The following PTPRT variants were observed in gnomAD, a reference collection of about 807,000 sequenced individuals.
PTPRT encodes the protein receptor-type tyrosine-protein phosphatase T.
In PTPRT, 56 loss-of-function variants were observed where a neutral mutation model predicts 176.8. The ratio of observed to expected loss-of-function variants is 0.32; its 90% confidence interval spans 0.26 to 0.40. PTPRT has a LOEUF of 0.40. Among genes scored for constraint, PTPRT ranks in the 10% least tolerant of loss-of-function variants. PTPRT has a pLI of 1.00. For synonymous variants in PTPRT, 783 were observed against 739.0 expected (o/e 1.06, Z -0.96); for missense variants, 1,540 against 1,908.2 (o/e 0.81, Z 3.60).
At chr20:42,387,763 A>C (rs2058758249) in intron 9 of PTPRT, among the ~76,000 whole-genome samples, 1 of 151,830 alleles carries the variant, frequency 6.6e-6, no homozygotes, top group African/African-American at 2.4e-5. Flanking sequence ...AAGGACCTCT[A>C]AAAGTTAGAG....
In PTPRT at chr20:42,246,156, A is replaced by G. The variant is rs576492462; in HGVS notation, c.2312+2531T>C. Among the ~76,000 whole-genome samples, 4 of 152,254 alleles carry G rather than the reference A, an allele frequency of 2.6e-5. No homozygotes were observed. The South Asian group carries it at 8.3e-4, about 32-fold the overall frequency. ...ATCAGTGTAGTATATATTGATATAT[A>G]TATGCAGCTGGGGGGTAGCTGGGGA... On this transcript the variant is annotated intron_variant, in intron 14 of 30. Coordinates refer to ENST00000373187, the MANE Select transcript of PTPRT (RefSeq NM_007050.6).
At position 42,260,689 on chromosome 20, in the gene PTPRT, C is replaced by T. The variant is rs544454260; in HGVS notation, c.2177-11867G>A. Reference sequence around the variant, plus strand: ...AGCCAATCAGGGACAGTCTGCAGGTCATGTAATTCCGGGACACTGAGAACA... The same window carrying T: ...AGCCAATCAGGGACAGTCTGCAGGTTATGTAATTCCGGGACACTGAGAACA... On this transcript the variant is annotated intron_variant, in intron 13 of 30. Coordinates refer to ENST00000373187, the MANE Select transcript of PTPRT (RefSeq NM_007050.6). 2.0e-5 allele frequency among the ~76,000 whole-genome samples: 3 copies of T among 152,230 alleles called. No homozygotes were observed. In the East Asian group the frequency reaches 5.8e-4, roughly 30 times the overall value.
intron 7 of PTPRT, among the ~76,000 whole-genome samples, chr20:42,502,271 A>G (rs1348685945): frequency 6.6e-6 from 1 of 152,014 alleles, no homozygotes; most frequent in African/African-American, 2.4e-5. Flanking sequence ...ACTTCTGTCT[A>G]TGAAACATCT....
intron 1 of PTPRT, among the ~76,000 whole-genome samples, chr20:43,121,688 A>G (rs1006972335): frequency 8.5e-5 from 13 of 152,358 alleles, no homozygotes; most frequent in African/African-American, 2.9e-4. Flanking sequence ...TGATTTATTC[A>G]TGCCAAGACA....
intron 17 of PTPRT, 63 bp from the exon 18 acceptor site, chr20:42,142,065 G>A (rs1988655365): frequency 7.1e-7 from 1 of 1,414,196 alleles, no homozygotes; most frequent in Non-Finnish European, 1.0e-6. Context: ...AAGTGGAGAT[G>A]AACCAACAGG....
chr20:42,086,606 T>A (rs1413117259), intron 27 of PTPRT, among the ~76,000 whole-genome samples: 1 of 150,594 alleles, frequency 6.6e-6, no homozygotes, highest in Non-Finnish European at 1.5e-5. Flanking sequence ...TTCATAGTGT[T>A]CATTCATGAT....
chr20:43,044,158 G>A (rs1312859721), intron 1 of PTPRT, among the ~76,000 whole-genome samples: 1 of 152,156 alleles, frequency 6.6e-6, no homozygotes, highest in Non-Finnish European at 1.5e-5. Flanking sequence ...TGGAGCACCT[G>A]CCAGCCTTGG....
intron 14 of PTPRT, among the ~76,000 whole-genome samples, chr20:42,239,679 C>T (rs928802347): frequency 7.9e-5 from 12 of 152,044 alleles, no homozygotes; most frequent in Non-Finnish European, 1.8e-4. Flanking sequence ...GCCTCAGCCT[C>T]CCAAAGTGCT....
intron 7 of PTPRT, among the ~76,000 whole-genome samples, chr20:42,650,141 T>TGAGCCAAG (rs2075003368): frequency 6.6e-6 from 1 of 152,208 alleles, no homozygotes; most frequent in Non-Finnish European, 1.5e-5. Context: ...CAAACAGATA[T>TGAGCCAAG]TGGTTAGCAG....
intron 1 of PTPRT, chr20:42,969,706 G>C (rs1159933574): frequency 1.3e-5 from 2 of 152,090 alleles, no homozygotes; most frequent in Non-Finnish European, 2.9e-5. Context: ...TTGAGTTAAA[G>C]TGATATACAT....
chr20:42,497,755 A>G (rs1314849424), intron 7 of PTPRT, among the ~76,000 whole-genome samples: 2 of 152,202 alleles, frequency 1.3e-5, no homozygotes, highest in Non-Finnish European at 2.9e-5. Context: ...CCTTTCTTAT[A>G]GAAATCCTGC....
intron 7 of PTPRT, among the ~76,000 whole-genome samples, chr20:42,639,764 T>C (rs1391070267): frequency 6.6e-6 from 1 of 152,172 alleles, no homozygotes; most frequent in African/African-American, 2.4e-5. Flanking sequence ...CTCTTTTAGG[T>C]ATTATAATTC....
At chr20:42,305,622 C>T (rs1045273185) in intron 12 of PTPRT, among the ~76,000 whole-genome samples, 3 of 151,750 alleles carry the variant, frequency 2.0e-5, no homozygotes, top group South Asian at 2.1e-4. Context: ...TGTGTGTGTG[C>T]GTGTATGTGT....
rs975466300 is a variant in PTPRT, at chr20:42,075,740, C to G, written c.*5139G>C. Reference sequence around the variant, plus strand: ...TCTATGTACTCTAAGGGGTTCCCACCAGCGACGAGGAAATGTAGATCCTGG... The same window carrying G: ...TCTATGTACTCTAAGGGGTTCCCACGAGCGACGAGGAAATGTAGATCCTGG... On this transcript the variant is annotated 3_prime_UTR_variant, in exon 31 of 31. Transcript: ENST00000373187. 3.8e-4 allele frequency: 79 copies of G among 205,216 alleles called. 3 individuals carry two copies. The highest frequency in any genetic ancestry group is 4.0e-5 in the Non-Finnish European group (4 of 100,370). 12.7% of individuals were successfully genotyped at this position (205,216 alleles called of 1,614,324 possible).
intron 1 of PTPRT, among the ~76,000 whole-genome samples, chr20:43,058,815 T>G (rs1443935759): frequency 2.0e-5 from 3 of 147,952 alleles, no homozygotes; most frequent in Non-Finnish European, 3.0e-5. Flanking sequence ...AAGAAAACCT[T>G]ATTTTTTTTT....
chr20:42,253,412 C>T (rs947858757), intron 13 of PTPRT, among the ~76,000 whole-genome samples: 13 of 152,110 alleles, frequency 8.5e-5, no homozygotes, highest in Non-Finnish European at 1.3e-4. Context: ...ATAACACCTG[C>T]GTTACTTTTA....
At chr20:42,543,440 G>T (rs2072619023) in intron 7 of PTPRT, among the ~76,000 whole-genome samples, 1 of 152,076 alleles carries the variant, frequency 6.6e-6, no homozygotes, top group Admixed American at 6.6e-5. Flanking sequence ...CATCAATTCA[G>T]CTATATCTTC....
At chr20:42,722,338 C>A (rs1323631410) in intron 6 of PTPRT, among the ~76,000 whole-genome samples, 2 of 152,200 alleles carry the variant, frequency 1.3e-5, no homozygotes, top group Non-Finnish European at 2.9e-5. Context: ...CACCTCCTTA[C>A]CAGAACATCT....
chr20:42,258,043 G>A (rs540627807), intron 13 of PTPRT, among the ~76,000 whole-genome samples: 1 of 152,164 alleles, frequency 6.6e-6, no homozygotes, highest in South Asian at 2.1e-4. Context: ...ATAAATAGGG[G>A]GAGAGACCGT....
Sources: allele counts gnomAD v4.1 joint callset (sites outside exome capture counted in the v4.1 genomes callset), GRCh38; gene constraint gnomAD v4.1.1; transcripts MANE v1.5; gene names NCBI Gene and HGNC (gene_info 2026-07-23, HGNC 2026-07-21).